Variants in CALN1 observed in about 807,000 individuals in gnomAD.
CALN1 encodes the protein calneuron 1.
CALN1 carries 17 observed loss-of-function variants against 30.6 expected under a neutral mutation model. That is an observed-to-expected ratio of 0.56 (90% CI 0.38 to 0.83). The LOEUF is 0.83. Ranked by LOEUF, CALN1 falls within the 40% of genes least tolerant of loss-of-function variation. The pLI is 0.00. For missense variants in CALN1, 291 were observed against 354.9 expected (o/e 0.82, Z 1.45); for synonymous variants, 156 against 131.4 (o/e 1.19, Z -1.28).
In CALN1 at chr7:71,817,689, C is replaced by G. The variant is rs1323282785; in HGVS notation, c.502-7197G>C. 6.6e-5 allele frequency among the ~76,000 whole-genome samples: 10 copies of G among 151,836 alleles called. No individual in the cohort carries two copies. In the East Asian group the frequency reaches 2.0e-3, roughly 30 times the overall value. On this transcript the variant is annotated intron_variant, in intron 5 of 6. Transcript: ENST00000395275. The stretch of plus-strand genomic sequence containing the variant: ...CACCACCATGCCCAGCTAATTTTTG[C>G]ATTTTTAGTAGAGATGGGGTTTCAC...
At chr7:72,354,330 T>C (rs1489470437) in intron 2 of CALN1, among the ~76,000 whole-genome samples, 1 of 152,220 alleles carries the variant, frequency 6.6e-6, no homozygotes, top group Non-Finnish European at 1.5e-5. Flanking sequence ...TGGAGACCTA[T>C]ACCATGTTAA....
At chr7:71,976,857 T>C (rs1213709522) in intron 5 of CALN1, among the ~76,000 whole-genome samples, 3 of 152,182 alleles carry the variant, frequency 2.0e-5, no homozygotes, top group Non-Finnish European at 2.9e-5. Context: ...GAATTTCCCC[T>C]GCCTGTTTCA....
chr7:72,027,316 G>A (rs142686164), intron 4 of CALN1, among the ~76,000 whole-genome samples: 8 of 152,212 alleles, frequency 5.3e-5, no homozygotes, highest in East Asian at 1.9e-4. Context: ...CTGGAATGTC[G>A]GTCTATCAGC....
chr7:72,434,868 G>A (rs1486621937), intron 1 of CALN1, among the ~76,000 whole-genome samples: 2 of 152,248 alleles, frequency 1.3e-5, no homozygotes, highest in African/African-American at 4.8e-5. Context: ...CCTTGCTGAT[G>A]AAGCAATCCA....
At chr7:72,070,475 C>A (rs187388945) in intron 4 of CALN1, among the ~76,000 whole-genome samples, 1 of 152,274 alleles carries the variant, frequency 6.6e-6, no homozygotes, top group African/African-American at 2.4e-5. Flanking sequence ...CTGATGGCAA[C>A]CTCAAATATT....
intron 3 of CALN1, among the ~76,000 whole-genome samples, chr7:72,268,338 A>C (rs1009997696): frequency 6.6e-6 from 1 of 152,128 alleles, no homozygotes; most frequent in Non-Finnish European, 1.5e-5. Context: ...GACAAAAAAA[A>C]AGAAGGGATT....
At chr7:71,793,822 C>A (rs1373505593) in intron 6 of CALN1, among the ~76,000 whole-genome samples, 2 of 151,992 alleles carry the variant, frequency 1.3e-5, no homozygotes, top group Non-Finnish European at 2.9e-5. Context: ...GTTGATCATG[C>A]CACTGCACTC....
intron 3 of CALN1, among the ~76,000 whole-genome samples, chr7:72,118,461 A>T (rs1808150651): frequency 6.6e-6 from 1 of 152,244 alleles, no homozygotes; most frequent in Non-Finnish European, 1.5e-5. Context: ...AGCTAGAGGC[A>T]TTTCTAAGGG....
chr7:72,342,610 A>T (rs1238689959), intron 2 of CALN1, among the ~76,000 whole-genome samples: 1 of 152,184 alleles, frequency 6.6e-6, no homozygotes, highest in Non-Finnish European at 1.5e-5. Flanking sequence ...CCCTCCAGGA[A>T]ACAGTGAGGA....
At chr7:72,444,351 A>T (rs10434961) in intron 1 of CALN1, among the ~76,000 whole-genome samples, 1 of 152,140 alleles carries the variant, frequency 6.6e-6, no homozygotes, top group South Asian at 2.1e-4. Flanking sequence ...ATTTCCCCAC[A>T]AATGGATCTA....
At chr7:72,009,022 TG>T (rs1446555999) in intron 5 of CALN1, among the ~76,000 whole-genome samples, 1 of 152,200 alleles carries the variant, frequency 6.6e-6, no homozygotes, top group Non-Finnish European at 1.5e-5. Context: ...TTTGAGGAAT[TG>T]GTAACCTGAA....
At chr7:72,401,632 G>T (rs556093415) in intron 2 of CALN1, among the ~76,000 whole-genome samples, 334 of 152,282 alleles carry the variant, frequency 2.2e-3, no homozygotes, top group Non-Finnish European at 3.6e-3. Flanking sequence ...CTGTCCCCCA[G>T]AGGCAGGTGA....
At chr7:71,827,051 G>A (rs751076516) in intron 5 of CALN1, among the ~76,000 whole-genome samples, 20 of 152,192 alleles carry the variant, frequency 1.3e-4, no homozygotes, top group African/African-American at 2.9e-4. Flanking sequence ...GGGTGCAGCC[G>A]GAGTCCAGGT....
chr7:71,997,507 T>C (rs1251689435), intron 5 of CALN1, among the ~76,000 whole-genome samples: 1 of 152,094 alleles, frequency 6.6e-6, no homozygotes, highest in Non-Finnish European at 1.5e-5. Flanking sequence ...TAAAGAGTAT[T>C]CAAAGAAGGA....
At chr7:72,218,471 A>G (rs1255998339) in intron 3 of CALN1, among the ~76,000 whole-genome samples, 5 of 152,048 alleles carry the variant, frequency 3.3e-5, no homozygotes, top group South Asian at 4.2e-4. Context: ...AAATAAAATA[A>G]CTGTGCTTTG....
intron 3 of CALN1, among the ~76,000 whole-genome samples, chr7:72,164,627 T>A (rs116653404): frequency 1.1e-3 from 169 of 152,316 alleles, no homozygotes; most frequent in African/African-American, 3.9e-3. Flanking sequence ...CAGTTCATAG[T>A]ACACTTTGTG....
At chr7:72,261,527 C>T (rs1796273681) in intron 3 of CALN1, among the ~76,000 whole-genome samples, 1 of 151,850 alleles carries the variant, frequency 6.6e-6, no homozygotes, top group Non-Finnish European at 1.5e-5. Flanking sequence ...TGGGCTTAAG[C>T]AATCCTCCTG....
At chr7:71,814,834 C>CTTTT (rs201392659) in intron 5 of CALN1, among the ~76,000 whole-genome samples, 8 of 142,256 alleles carry the variant, frequency 5.6e-5, no homozygotes, top group African/African-American at 1.3e-4. Flanking sequence ...AGTTAATCAA[C>CTTTT]TTTTTTTTTT....
At chr7:72,264,229 C>T (rs191389511) in intron 3 of CALN1, among the ~76,000 whole-genome samples, 2 of 152,216 alleles carry the variant, frequency 1.3e-5, no homozygotes, top group Non-Finnish European at 2.9e-5. Context: ...CGCTCTGAAA[C>T]AATCAATCTG....
Sources: gnomAD v4.1 joint callset for allele counts (sites outside exome capture counted in the v4.1 genomes callset) on GRCh38, gnomAD v4.1.1 for gene constraint, MANE v1.5 for transcripts, NCBI Gene and HGNC (gene_info 2026-07-23, HGNC 2026-07-21) for gene names.